Variants in SH2B2 observed in about 807,000 individuals in gnomAD.
The protein encoded by SH2B2 is SH2B adapter protein 2.
A neutral mutation model predicts 35.7 loss-of-function variants in SH2B2; 37 were observed. The ratio of observed to expected loss-of-function variants is 1.04; its 90% CI spans 0.80 to 1.36. The LOEUF (loss-of-function observed/expected upper bound fraction) is 1.36. SH2B2 is among the 40% of genes most tolerant of loss of function. SH2B2 has a pLI of 0.00. For synonymous variants in SH2B2, 383 were observed against 376.4 expected (o/e 1.02, Z -0.20); for missense variants, 852 against 817.7 (o/e 1.04, Z -0.51).
At chr7:102,292,211 G>GA (rs1249861323) in intron 1 of SH2B2, among the ~76,000 whole-genome samples, 2 of 151,932 alleles carry the variant, frequency 1.3e-5, no homozygotes, top group Admixed American at 6.6e-5. Context: ...AACATAGTGA[G>GA]ACCCCCATCT....
intron 1 of SH2B2, among the ~76,000 whole-genome samples, chr7:102,296,083 G>A (rs536913001): frequency 5.3e-5 from 8 of 152,182 alleles, no homozygotes; most frequent in Non-Finnish European, 1.0e-4. Flanking sequence ...CCGCTGGTTT[G>A]GAAACCTGTC....
In SH2B2 at chr7:102,320,470, G is replaced by A. The variant is rs372768134; in HGVS notation, c.1535G>A (p.Arg512His). The A allele has an allele frequency of 3.0e-4, 487 of 1,613,584 alleles. No individual in the cohort carries two copies. Among genetic ancestry groups the A allele is most frequent in the Non-Finnish European group, 3.9e-4 (458 of 1,179,828 alleles). Residue 512 changes from arginine (R) to histidine (H), a missense_variant, in exon 8 of 9, where the codon CGC becomes CAC. Arg to His is a conservative substitution (Grantham distance 29). Around this residue, in one of 3 missense-constraint regions of SH2B2, gnomAD observed 556 missense variants for 514.5 expected, o/e 1.08. Coordinates refer to ENST00000444095, the MANE Select transcript of SH2B2 (RefSeq NM_001359228.2). ...ESGGSADITLRSYVRAQDPPP... is the reference protein window; with the variant it reads ...ESGGSADITLHSYVRAQDPPP... Reference sequence around the variant, plus strand: ...GGGGGCTCGGCCGACATCACCCTTCGCAGCTATGTGCGGGCCCAGGACCCC... The same window carrying A: ...GGGGGCTCGGCCGACATCACCCTTCACAGCTATGTGCGGGCCCAGGACCCC...
intron 4 of SH2B2, among the ~76,000 whole-genome samples, chr7:102,311,834 T>C (rs1362782785): frequency 1.3e-5 from 2 of 152,010 alleles, no homozygotes; most frequent in African/African-American, 2.4e-5. Flanking sequence ...CCCAGCACTT[T>C]GGGAGGCTGA....
At position 102,321,363 on chromosome 7, in the gene SH2B2, GCA is replaced by G; in HGVS notation, c.1634_1635del (p.His545LeufsTer?). ...CCTGCTGGAGCGACTCGCCCGGCCA[GCA>G]CTACTTCTCCAGCCTCGCCGCGGCC... ...PACWSDSPGQ[H>X]YFSSLAAAAC... On this transcript the variant is annotated frameshift_variant, in exon 9 of 9. Coordinates refer to ENST00000444095, the MANE Select transcript of SH2B2 (RefSeq NM_001359228.2). LOFTEE classifies it low-confidence loss of function (END_TRUNC). The G allele has an allele frequency of 7.0e-7, 1 of 1,433,082 alleles. No individual in the cohort carries two copies. Among genetic ancestry groups the G allele is most frequent in the Non-Finnish European group, 9.1e-7 (1 of 1,097,750 alleles). 88.8% of individuals were successfully genotyped at this position (1,433,082 alleles called of 1,614,324 possible).
At chr7:102,315,744 GAA>G (rs61456197) in intron 6 of SH2B2, among the ~76,000 whole-genome samples, 21 of 90,576 alleles carry the variant, frequency 2.3e-4, no homozygotes, top group Non-Finnish European at 3.5e-4. Context: ...CCTGTGAAAA[GAA>G]AAAAAAAAAA....
rs927143193 is a variant in SH2B2, at chr7:102,297,259, T to C, written c.-29-3263T>C. Among the ~76,000 whole-genome samples, 7 of 151,824 alleles carry C rather than the reference T, an allele frequency of 4.6e-5. No homozygotes were observed. Among genetic ancestry groups the C allele is most frequent in the Admixed American group, 6.6e-5 (1 of 15,238 alleles). ...CTTAGGAGTTGTCTGGGTTATTAGA[T>C]CCAAAAAAAATGTAGCGGGCCAGGT... On this transcript the variant is annotated intron_variant, in intron 1 of 8. Coordinates refer to ENST00000444095, the MANE Select transcript of SH2B2 (RefSeq NM_001359228.2). The surrounding 1 kb of genome is among the most constrained non-coding windows in gnomAD (Gnocchi z 4.3).
intron 3 of SH2B2, among the ~76,000 whole-genome samples, chr7:102,307,268 G>T (rs2694149): frequency 9.2e-5 from 14 of 152,322 alleles, no homozygotes; most frequent in East Asian, 1.9e-4. Flanking sequence ...GAGGCACCCC[G>T]GTGGGTCTAG....
Position 102,321,360 on chromosome 7 carries a change from C to T in SH2B2, c.1629C>T (p.Gly543=). The T allele has an allele frequency of 7.0e-7, 1 of 1,436,960 alleles. No individual in the cohort carries two copies. The highest frequency in any genetic ancestry group is 3.1e-5 in the East Asian group (1 of 32,190). 89.0% of individuals were successfully genotyped at this position (1,436,960 alleles called of 1,614,324 possible). ...ASPACWSDSP[G]QHYFSSLAAA... ...CGGCCTGCTGGAGCGACTCGCCCGG[C>T]CAGCACTACTTCTCCAGCCTCGCCG... Residue 543 remains glycine (G), a synonymous_variant, in exon 9 of 9, where the codon GGC becomes GGT. Transcript: ENST00000444095.
In SH2B2 at chr7:102,321,555, C is replaced by T. The variant is rs1794087321; in HGVS notation, c.1824C>T (p.Ala608=). Residue 608 remains alanine (A), a synonymous_variant, in exon 9 of 9, where the codon GCC becomes GCT. Coordinates refer to ENST00000444095, the MANE Select transcript of SH2B2 (RefSeq NM_001359228.2). ...SAERLLEAVA[A]TAAEEPPEAA... is the part of the protein sequence containing the mutation. ...AGCGCCTGCTGGAGGCCGTGGCCGC[C>T]ACCGCCGCCGAGGAGCCCCCGGAGG... 8.7e-7 allele frequency: 1 copy of T among 1,150,012 alleles called. No homozygotes were observed. Among genetic ancestry groups the T allele is most frequent in the East Asian group, 4.3e-5 (1 of 23,232 alleles). The allele number at this position is 1,150,012 out of a possible 1,614,324, so 71.2% of individuals were successfully genotyped here. A position where few individuals can be genotyped will look rare whatever the true frequency, so the allele number is the denominator to read the frequency against.
intron 2 of SH2B2, among the ~76,000 whole-genome samples, chr7:102,301,569 TGTGTGTGTGTGTGCGCGCGC>T (rs1430091975): frequency 1.3e-5 from 2 of 151,368 alleles, no homozygotes; most frequent in African/African-American, 2.4e-5. Context: ...CGTGTGTGTG[TGTGTGTGTGTGTGCGCGCGC>T]GTGTGTGTGT....
intron 1 of SH2B2, among the ~76,000 whole-genome samples, chr7:102,289,833 G>A (rs1554551459): frequency 6.6e-6 from 1 of 151,970 alleles, no homozygotes; most frequent in Non-Finnish European, 1.5e-5. Context: ...GATGGGAGGG[G>A]GGAACCTCTG....
intron 2 of SH2B2, among the ~76,000 whole-genome samples, chr7:102,303,368 A>G (rs1554554277): frequency 6.6e-6 from 1 of 151,986 alleles, no homozygotes; most frequent in African/African-American, 2.4e-5. Context: ...CCCAGGGACC[A>G]CCGGGGACCC....
At chr7:102,291,577 GGTTAA>G (rs149082449) in intron 1 of SH2B2, among the ~76,000 whole-genome samples, 4,394 of 152,250 alleles carry the variant, frequency 0.029, 234 homozygotes, top group African/African-American at 0.1. Context: ...CAAGTTCAAG[GGTTAA>G]GTTAAGACCA....
intron 6 of SH2B2, among the ~76,000 whole-genome samples, chr7:102,315,224 G>C (rs1793778254): frequency 6.6e-6 from 1 of 152,004 alleles, no homozygotes; most frequent in African/African-American, 2.4e-5. Flanking sequence ...GCTCACAGGG[G>C]CTGGGTGCAG....
At chr7:102,287,569 C>CT (rs529946525) in intron 1 of SH2B2, among the ~76,000 whole-genome samples, 59 of 152,336 alleles carry the variant, frequency 3.9e-4, no homozygotes, top group African/African-American at 1.3e-3. Flanking sequence ...CAGGCACGCC[C>CT]TCCCTTTGGC....
chr7:102,290,212 A>T (rs1292766842), intron 1 of SH2B2, among the ~76,000 whole-genome samples: 2 of 148,698 alleles, frequency 1.3e-5, no homozygotes, highest in Non-Finnish European at 3.0e-5. Flanking sequence ...TCAGAAAGGG[A>T]CCAGCCTGGA....
rs1407253354 is a variant in SH2B2 at position 102,300,784 on chromosome 7, C to T, written c.234C>T (p.Arg78=). 5 of 1,518,336 alleles carry T rather than the reference C, an allele frequency of 3.3e-6. No homozygotes were observed. The Admixed American group carries it at 6.3e-5, about 19-fold the overall frequency. The allele number at this position is 1,518,336 out of a possible 1,614,324, so 94.1% of individuals were successfully genotyped here. A position where few individuals can be genotyped will look rare whatever the true frequency, so the allele number is the denominator to read the frequency against. ...TGGACGTCTTCGGCGAGGAGGTGCG[C>T]CGCGTGCTGGTGGCTGGGCCGACGA... ...NFLDVFGEEV[R]RVLVAGPTTR... is the part of the protein sequence containing the mutation. Residue 78 remains arginine, a synonymous_variant, in exon 2 of 9, where the codon CGC becomes CGT. Coordinates refer to ENST00000444095, the MANE Select transcript of SH2B2 (RefSeq NM_001359228.2).
intron 6 of SH2B2, among the ~76,000 whole-genome samples, chr7:102,314,957 G>A (rs1793764455): frequency 6.6e-6 from 1 of 152,058 alleles, no homozygotes; most frequent in Admixed American, 6.6e-5. Context: ...GGGAAGCCAA[G>A]GCGGGCGGAT....
chr7:102,307,764 TTTTG>T (rs1417576700), intron 3 of SH2B2, among the ~76,000 whole-genome samples: 1 of 151,212 alleles, frequency 6.6e-6, no homozygotes, highest in Non-Finnish European at 1.5e-5. Context: ...ACTACATTTT[TTTTG>T]TTTTTTTTTT....
Sources: gnomAD v4.1 joint callset for allele counts (sites outside exome capture counted in the v4.1 genomes callset) on GRCh38, gnomAD v4.1.1 for gene constraint, gnomAD v4.1.1 regional missense constraint, Gnocchi (gnomAD v3.1) non-coding constraint, MANE v1.5 for transcripts, NCBI Gene and HGNC (gene_info 2026-07-23, HGNC 2026-07-21) for gene names.